Variants in TRAPPC8 observed in about 807,000 individuals in gnomAD.
TRAPPC8 encodes the protein general sporulation gene 1 homolog.
A neutral mutation model predicts 174.3 loss-of-function variants in TRAPPC8; 54 were observed. That is an observed-to-expected ratio of 0.31 (90% CI 0.25 to 0.39). The LOEUF (loss-of-function observed/expected upper bound fraction) is 0.39, where lower values mean the gene tolerates loss of function less well. Among genes scored for constraint, TRAPPC8 ranks in the 10% least tolerant of loss-of-function variants. The pLI is 1.00. For missense variants in TRAPPC8, 1,531 were observed against 1,699.1 expected (o/e 0.90, Z 1.74); for synonymous variants, 630 against 579.9 (o/e 1.09, Z -1.24).
intron 15 of TRAPPC8, 127 bp downstream of exon 15, chr18:31,870,799 T>TA: frequency 1.1e-6 from 1 of 931,330 alleles, no homozygotes; most frequent in Non-Finnish European, 1.5e-6. Flanking sequence ...TGCAGCTCAG[T>TA]AAATTATGAG....
intron 22 of TRAPPC8, among the ~76,000 whole-genome samples, chr18:31,853,113 C>T (rs773858033): frequency 2.0e-5 from 3 of 152,170 alleles, no homozygotes; most frequent in Non-Finnish European, 4.4e-5. Context: ...TTCTGGTACA[C>T]ATTCTTTTGT....
intron 12 of TRAPPC8, among the ~76,000 whole-genome samples, chr18:31,887,133 A>T (rs1344296498): frequency 2.0e-5 from 3 of 152,222 alleles, no homozygotes; most frequent in Non-Finnish European, 4.4e-5. Context: ...GCTTGTCATC[A>T]AAAAGCTTAT....
intron 5 of TRAPPC8, among the ~76,000 whole-genome samples, chr18:31,912,164 G>C (rs1469664240): frequency 6.6e-6 from 1 of 152,108 alleles, no homozygotes; most frequent in Non-Finnish European, 1.5e-5. Context: ...AAAAGTATGA[G>C]TTCCTGAAGG....
At chr18:31,926,997 A>AT (rs1182531511) in intron 2 of TRAPPC8, among the ~76,000 whole-genome samples, 1 of 152,188 alleles carries the variant, frequency 6.6e-6, no homozygotes, top group Non-Finnish European at 1.5e-5. Context: ...GAAGCACATA[A>AT]TCAATACCCG....
Position 31,908,350 on chromosome 18 carries a change from T to G in TRAPPC8, c.1191A>C (p.Lys397Asn). The change falls in exon 8 of 29, where the codon AAA becomes AAC. Residue 397 changes from lysine (K) to asparagine (N), a missense_variant. Coordinates refer to ENST00000283351, the MANE Select transcript of TRAPPC8 (RefSeq NM_014939.5). ...GGTCATTAATGCTCTTTTCTGGAACTTTACTGCCACTAAACCATTTTTTAG... is the reference window on the plus strand; with the variant it reads ...GGTCATTAATGCTCTTTTCTGGAACGTTACTGCCACTAAACCATTTTTTAG... ...SATKKWFSGS[K>N]VPEKSINDLK... 1 of 1,607,444 alleles carries G rather than the reference T, an allele frequency of 6.2e-7. No homozygotes were observed. Among genetic ancestry groups the G allele is most frequent in the Non-Finnish European group, 8.5e-7 (1 of 1,177,036 alleles).
chr18:31,836,417 G>A (rs1278438845), intron 27 of TRAPPC8, among the ~76,000 whole-genome samples: 1 of 152,124 alleles, frequency 6.6e-6, no homozygotes, highest in Non-Finnish European at 1.5e-5. Context: ...TAAGTAGAAT[G>A]ATGTAGAGAA....
At chr18:31,876,506 A>AAAAAAAAAAAAAAAAAAAAAAAAAC in intron 12 of TRAPPC8, among the ~76,000 whole-genome samples, 1 of 150,090 alleles carries the variant, frequency 6.7e-6, no homozygotes, top group African/African-American at 2.5e-5. Context: ...AAAAAAAAAA[A>AAAAAAAAAAAAAAAAAAAAAAAAAC]AAAAAAGATC....
chr18:31,899,280 T>C (rs2036308376), intron 10 of TRAPPC8, among the ~76,000 whole-genome samples: 1 of 152,236 alleles, frequency 6.6e-6, no homozygotes, highest in Non-Finnish European at 1.5e-5. Context: ...TTCAGTTTCC[T>C]CATCTGTAAA....
chr18:31,864,890 C>T, intron 18 of TRAPPC8, 109 bp from the exon 19 acceptor site: 1 of 1,050,230 alleles, frequency 9.5e-7, no homozygotes, highest in Non-Finnish European at 1.3e-6. Flanking sequence ...TAGAAAAATT[C>T]TAGACAATTT....
rs2038412816 is a variant in TRAPPC8, at chr18:31,942,872, G to T, written c.-108C>A. On this transcript the variant is annotated 5_prime_UTR_variant, in exon 1 of 29. Transcript: ENST00000283351. ...GCCCGCCGGCCTGGCCCGGCCGGGC[G>T]GGGCCCCGAACGCACTGGAGCCTAG... The T allele has an allele frequency of 8.0e-7, 1 of 1,256,058 alleles. No homozygotes were observed. The highest frequency in any genetic ancestry group is 1.0e-6 in the Non-Finnish European group (1 of 1,000,132). The allele number at this position is 1,256,058 out of a possible 1,614,324, so 77.8% of individuals were successfully genotyped here.
At chr18:31,866,550 T>C (rs1379517889) in intron 18 of TRAPPC8, among the ~76,000 whole-genome samples, 3 of 151,620 alleles carry the variant, frequency 2.0e-5, no homozygotes, top group Non-Finnish European at 2.9e-5. Flanking sequence ...CAGCAGACAA[T>C]CAATGGTTAG....
chr18:31,861,572 T>A (rs532333198), intron 19 of TRAPPC8, among the ~76,000 whole-genome samples: 1 of 152,134 alleles, frequency 6.6e-6, no homozygotes, highest in Non-Finnish European at 1.5e-5. Flanking sequence ...TTGAGAAGCA[T>A]TGCATTTAAA....
intron 2 of TRAPPC8, among the ~76,000 whole-genome samples, chr18:31,920,064 C>T (rs1483908483): frequency 6.6e-6 from 1 of 152,016 alleles, no homozygotes; most frequent in Non-Finnish European, 1.5e-5. Flanking sequence ...ATATGTAGTA[C>T]CAATGATAAG....
intron 14 of TRAPPC8, 117 bp downstream of exon 14, chr18:31,873,313 C>T (rs1420629059): frequency 1.2e-5 from 10 of 855,984 alleles, no homozygotes; most frequent in East Asian, 8.5e-5. Flanking sequence ...CAATCGTACC[C>T]GGCTGAGCTA....
intron 9 of TRAPPC8, among the ~76,000 whole-genome samples, chr18:31,906,933 T>C (rs2036685797): frequency 6.6e-6 from 1 of 152,214 alleles, no homozygotes; most frequent in Non-Finnish European, 1.5e-5. Flanking sequence ...GTACATGTTC[T>C]TGATGTATGA....
Position 31,830,554 on chromosome 18 carries a change from G to T in TRAPPC8, c.*201C>A, listed in dbSNP as rs2032297733. The T allele has an allele frequency of 3.5e-6, 2 of 568,748 alleles. No homozygotes were observed. Among genetic ancestry groups the T allele is most frequent in the Non-Finnish European group, 6.2e-6 (2 of 321,746 alleles). The allele number at this position is 568,748 out of a possible 1,614,324, so 35.2% of individuals were successfully genotyped here. A position where few individuals can be genotyped will look rare whatever the true frequency, so the allele number is the denominator to read the frequency against. The stretch of plus-strand genomic sequence containing the variant: ...TATGAGCATGTAAATTATTCTCAGG[G>T]TTTAAAGAAATACAGAAAAAGAATG... On this transcript the variant is annotated 3_prime_UTR_variant, in exon 29 of 29. Coordinates refer to ENST00000283351, the MANE Select transcript of TRAPPC8 (RefSeq NM_014939.5).
rs35085369 is a variant in TRAPPC8, at chr18:31,846,812, G to A, written c.3741C>T (p.Tyr1247=). 6.8e-4 allele frequency: 1,090 copies of A among 1,608,950 alleles called. 7 individuals carry two copies. The African/African-American group carries it at 0.013, about 19-fold the overall frequency. Reference sequence around the variant, plus strand: ...TAAGCTGTTTACTGTCTTCCACAACGTATGCCTAAAAAATGCAAAGTACAA... The same window carrying A: ...TAAGCTGTTTACTGTCTTCCACAACATATGCCTAAAAAATGCAAAGTACAA... ...DLNIVILWKA[Y]VVEDSKQLIL... Residue 1247 remains tyrosine (Y), a synonymous_variant, in exon 26 of 29, where the codon TAC becomes TAT. Transcript: ENST00000283351.
At chr18:31,855,105 G>A (rs1288754122) in intron 21 of TRAPPC8, among the ~76,000 whole-genome samples, 2 of 152,102 alleles carry the variant, frequency 1.3e-5, no homozygotes, top group African/African-American at 2.4e-5. Context: ...GGGAGGCTGA[G>A]GCATGAGAAT....
intron 11 of TRAPPC8, among the ~76,000 whole-genome samples, chr18:31,894,855 T>G (rs572034397): frequency 1.9e-4 from 29 of 152,300 alleles, no homozygotes; most frequent in African/African-American, 6.5e-4. Context: ...TAGAAACTGA[T>G]TTTTCATATT....
Sources: gnomAD v4.1 joint callset for allele counts (sites outside exome capture counted in the v4.1 genomes callset) on GRCh38, gnomAD v4.1.1 for gene constraint, MANE v1.5 for transcripts, NCBI Gene and HGNC (gene_info 2026-07-23, HGNC 2026-07-21) for gene names.